COPG2: variants seen among roughly 807,000 people sequenced by gnomAD.
The protein encoded by COPG2 is coat protein complex I subunit gamma 2.
Under a neutral mutation model 46.3 loss-of-function variants are expected in COPG2, and 37 were observed. The observed-to-expected ratio is 0.80, with a 90% CI of 0.61 to 1.05. COPG2 has a LOEUF of 1.05. COPG2 is among the 50% of genes least tolerant of loss of function. COPG2 has a pLI of 0.00. For missense variants in COPG2, 427 were observed against 387.8 expected (o/e 1.10, Z -0.85); for synonymous variants, 159 against 129.7 (o/e 1.23, Z -1.53).
intron 9 of COPG2, among the ~76,000 whole-genome samples, chr7:130,609,838 A>AT (rs1363468666): frequency 3.3e-5 from 5 of 151,812 alleles, no homozygotes; most frequent in African/African-American, 9.7e-5. Flanking sequence ...TTGGTTCAAG[A>AT]TTTTTTTTCT....
intron 4 of COPG2, among the ~76,000 whole-genome samples, chr7:130,653,335 C>G (rs549580282): frequency 6.6e-6 from 1 of 152,184 alleles, no homozygotes; most frequent in African/African-American, 2.4e-5. Flanking sequence ...CTCACCACAA[C>G]CTCCGCCTCC....
chr7:130,668,539 G>C lies in COPG2; in HGVS notation c.37+93C>G. 3.3e-6 allele frequency: 4 copies of C among 1,210,888 alleles called. No individual in the cohort carries two copies. The South Asian group carries it at 5.6e-5, about 17-fold the overall frequency. The allele number at this position is 1,210,888 out of a possible 1,614,324, so 75.0% of individuals were successfully genotyped here. On this transcript the variant is annotated intron_variant, in intron 1 of 23. Coordinates refer to ENST00000425248, the MANE Select transcript of COPG2 (RefSeq NM_012133.6). ...GGCCCCCTGGCACGGCGGCGCCCAC[G>C]CCCCCAGCCCCGCCGGCCTGAAAGC...
At chr7:130,644,141 TAAAACAA>T (rs71178597) in intron 5 of COPG2, among the ~76,000 whole-genome samples, 63,766 of 151,366 alleles carry the variant, frequency 0.42, 16,239 homozygotes, top group East Asian at 0.59. Flanking sequence ...GTATCTGTTT[TAAAACAA>T]AAAACAAAAA....
chr7:130,516,863 G>A (rs1799682150), intron 20 of COPG2, among the ~76,000 whole-genome samples: 1 of 152,148 alleles, frequency 6.6e-6, no homozygotes, highest in African/African-American at 2.4e-5. Context: ...AATGGGATGG[G>A]CATAAAGGGC....
At chr7:130,642,689 G>A (rs10248834) in intron 5 of COPG2, among the ~76,000 whole-genome samples, 23,339 of 152,082 alleles carry the variant, frequency 0.15, 3,417 homozygotes, top group African/African-American at 0.38. Context: ...TCACAAATAC[G>A]AGGGGACTTC....
At chr7:130,658,719 T>TA (rs1326970515) in intron 4 of COPG2, among the ~76,000 whole-genome samples, 3 of 152,096 alleles carry the variant, frequency 2.0e-5, no homozygotes, top group African/African-American at 7.2e-5. Flanking sequence ...CTTGCACTGT[T>TA]ACCTGGGCTG....
At chr7:130,547,549 C>A (rs1423334154) in intron 20 of COPG2, 125 bp downstream of exon 20, 3 of 397,378 alleles carry the variant, frequency 7.5e-6, no homozygotes, top group Admixed American at 8.8e-5. Context: ...AACACACACA[C>A]ACAAACACTC....
intron 9 of COPG2, chr7:130,610,607 T>A (rs782303467): frequency 1.9e-6 from 1 of 528,886 alleles, no homozygotes; most frequent in Non-Finnish European, 3.7e-6. Context: ...CTAAATGCAG[T>A]ACTTCAACAT....
intron 6 of COPG2, among the ~76,000 whole-genome samples, chr7:130,614,497 T>G (rs1794912852): frequency 6.6e-6 from 1 of 152,188 alleles, no homozygotes; most frequent in South Asian, 2.1e-4. Flanking sequence ...TCAATTTGCT[T>G]GGTAATGCCT....
intron 4 of COPG2, among the ~76,000 whole-genome samples, chr7:130,659,183 G>A (rs868943366): frequency 5.9e-5 from 9 of 151,400 alleles, no homozygotes; most frequent in Non-Finnish European, 1.0e-4. Context: ...GTGAAACCCC[G>A]TCTCTACTAA....
At chr7:130,613,681 T>C in intron 6 of COPG2, 45 bp from the exon 7 acceptor site, 1 of 1,202,888 alleles carries the variant, frequency 8.3e-7, no homozygotes, top group Middle Eastern at 1.9e-4. Flanking sequence ...AAAACATGCT[T>C]ATGCAAAATT....
At chr7:130,521,957 T>C (rs1313246698) in intron 20 of COPG2, among the ~76,000 whole-genome samples, 1 of 152,108 alleles carries the variant, frequency 6.6e-6, no homozygotes, top group Non-Finnish European at 1.5e-5. Context: ...GCACCGTAGA[T>C]TGAGTAGTAT....
intron 5 of COPG2, among the ~76,000 whole-genome samples, chr7:130,622,138 G>C (rs1795050429): frequency 1.3e-5 from 2 of 152,022 alleles, no homozygotes; most frequent in Admixed American, 1.3e-4. Context: ...AATGAACAGG[G>C]AAGGAGGTAA....
rs1421786085 is a variant in COPG2, at chr7:130,513,312, T to G, written c.2150-4653A>C. 5.3e-4 allele frequency among the ~76,000 whole-genome samples: 21 copies of G among 39,270 alleles called. 1 individual carries two copies. Among genetic ancestry groups the G allele is most frequent in the South Asian group, 1.1e-3 (1 of 930 alleles). The allele number at this position is 39,270 out of a possible 152,430, so 25.8% of individuals were successfully genotyped here. A position where few individuals can be genotyped will look rare whatever the true frequency, so the allele number is the denominator to read the frequency against. The stretch of plus-strand genomic sequence containing the variant: ...GTCTAAAAAAAAAAAAAAAAAAATA[T>G]ATATATATATATATATATATATATA... On this transcript the variant is annotated intron_variant, in intron 20 of 23. Transcript: ENST00000425248.
chr7:130,610,792 AGT>A (rs1172160466), intron 9 of COPG2, 159 bp downstream of exon 9: 1 of 740,450 alleles, frequency 1.4e-6, no homozygotes. Flanking sequence ...GGTTAAAAAA[AGT>A]GTGACTTGAA....
At chr7:130,651,442 A>G (rs1271615583) in intron 5 of COPG2, among the ~76,000 whole-genome samples, 3 of 146,978 alleles carry the variant, frequency 2.0e-5, no homozygotes, top group Non-Finnish European at 3.0e-5. Flanking sequence ...TCAGCCTCCC[A>G]AGTAGCTGGA....
chr7:130,611,996 T>A (rs1794857649), intron 8 of COPG2, among the ~76,000 whole-genome samples, 156 bp downstream of exon 8: 1 of 152,224 alleles, frequency 6.6e-6, no homozygotes, highest in Non-Finnish European at 1.5e-5. Context: ...ATGGCAGTAA[T>A]CATAATTAGT....
chr7:130,557,266 GT>G (rs1317796868), intron 12 of COPG2, among the ~76,000 whole-genome samples: 1 of 152,084 alleles, frequency 6.6e-6, no homozygotes, highest in African/African-American at 2.4e-5. Flanking sequence ...AATGAAAAAG[GT>G]AAGTTATTTA....
intron 20 of COPG2, among the ~76,000 whole-genome samples, chr7:130,540,852 C>A (rs1355618168): frequency 6.6e-6 from 1 of 151,950 alleles, no homozygotes; most frequent in African/African-American, 2.4e-5. Flanking sequence ...GACCCCCAGG[C>A]AGGGCTATCC....
Sources: allele counts gnomAD v4.1 joint callset (sites outside exome capture counted in the v4.1 genomes callset), GRCh38; gene constraint gnomAD v4.1.1; transcripts MANE v1.5; gene names NCBI Gene and HGNC (gene_info 2026-07-23, HGNC 2026-07-21).